Variants in SNX9 observed in about 807,000 individuals in gnomAD.
The protein encoded by SNX9 is sorting nexin 9.
Under a neutral mutation model 89.4 loss-of-function variants are expected in SNX9, and 44 were observed. The observed-to-expected ratio is 0.49, with a 90% confidence interval of 0.39 to 0.63. The LOEUF is 0.63. Among genes scored for constraint, SNX9 ranks in the 30% least tolerant of loss-of-function variants. The pLI is 0.00. For missense variants in SNX9, 578 were observed against 736.1 expected (o/e 0.79, Z 2.49); for synonymous variants, 236 against 247.8 (o/e 0.95, Z 0.45).
intron 13 of SNX9, among the ~76,000 whole-genome samples, chr6:157,933,078 T>G (rs1305219299): frequency 6.6e-6 from 1 of 151,670 alleles, no homozygotes; most frequent in African/African-American, 2.4e-5. Flanking sequence ...TTTTCTTTAT[T>G]AAAAGGGAAA....
Position 157,826,796 on chromosome 6 carries a change from A to T in SNX9, c.12+3350A>T, listed in dbSNP as rs1459436010. ...TATAAATATATTATATTATATATAT[A>T]TATTATATTTTATATATAAATATAT... On this transcript the variant is annotated intron_variant, in intron 1 of 17. Transcript: ENST00000392185. Among the ~76,000 whole-genome samples the T allele has an allele frequency of 1.9e-5, 2 of 102,694 alleles. 1 individual carries two copies. Among genetic ancestry groups the T allele is most frequent in the African/African-American group, 1.1e-4 (2 of 17,416 alleles). The allele number at this position is 102,694 out of a possible 152,430, so 67.4% of individuals were successfully genotyped here. A position where few individuals can be genotyped will look rare whatever the true frequency, so the allele number is the denominator to read the frequency against.
At chr6:157,940,824 A>G (rs1784021210) in intron 16 of SNX9, 59 bp from the exon 17 acceptor site, 1 of 1,440,704 alleles carries the variant, frequency 6.9e-7, no homozygotes, top group Admixed American at 1.7e-5. Flanking sequence ...CAGAGAAACC[A>G]GGTGTTGTCA....
chr6:157,893,656 G>T (rs1166710590), intron 4 of SNX9, among the ~76,000 whole-genome samples: 1 of 151,830 alleles, frequency 6.6e-6, no homozygotes, highest in East Asian at 1.9e-4. Flanking sequence ...TAAAGGGGAA[G>T]ACTTGCTATT....
chr6:157,926,827 G>A (rs1722359085), intron 10 of SNX9, among the ~76,000 whole-genome samples: 1 of 149,576 alleles, frequency 6.7e-6, no homozygotes, highest in African/African-American at 2.5e-5. Context: ...TCTGTTTGCT[G>A]TTTTTATATA....
At chr6:157,876,320 CA>C (rs1195953765) in intron 4 of SNX9, among the ~76,000 whole-genome samples, 4 of 152,124 alleles carry the variant, frequency 2.6e-5, no homozygotes, top group Non-Finnish European at 2.9e-5. Flanking sequence ...GGTGTGGTGG[CA>C]GGCACCTGTA....
chr6:157,843,363 C>T (rs3792929), intron 1 of SNX9, among the ~76,000 whole-genome samples: 2 of 151,990 alleles, frequency 1.3e-5, no homozygotes, highest in African/African-American at 4.8e-5. Context: ...AGCCTTATAA[C>T]GCAAACAGTT....
chr6:157,869,887 GC>G (rs1782355674), intron 2 of SNX9, among the ~76,000 whole-genome samples: 1 of 151,840 alleles, frequency 6.6e-6, no homozygotes, highest in Admixed American at 6.6e-5. Flanking sequence ...GCGTGCACAT[GC>G]ACACACATGC....
intron 10 of SNX9, among the ~76,000 whole-genome samples, chr6:157,923,358 A>G (rs1480566974): frequency 2.6e-5 from 4 of 152,184 alleles, no homozygotes; most frequent in African/African-American, 9.7e-5. Flanking sequence ...ATTATTAGAA[A>G]TAAGTGGTTA....
chr6:157,895,153 G>T (rs1782953236), intron 4 of SNX9, among the ~76,000 whole-genome samples: 1 of 152,232 alleles, frequency 6.6e-6, no homozygotes, highest in East Asian at 1.9e-4. Flanking sequence ...GCATTAAAAT[G>T]AGGTGGAATT....
intron 1 of SNX9, among the ~76,000 whole-genome samples, chr6:157,845,852 T>A (rs1781796896): frequency 6.6e-6 from 1 of 152,208 alleles, no homozygotes; most frequent in Non-Finnish European, 1.5e-5. Flanking sequence ...TGATAGTAGA[T>A]GCTGAATTTG....
At chr6:157,920,558 T>C (rs1783562943) in intron 9 of SNX9, among the ~76,000 whole-genome samples, 1 of 152,160 alleles carries the variant, frequency 6.6e-6, no homozygotes, top group Non-Finnish European at 1.5e-5. Flanking sequence ...ACCACAGATT[T>C]CCACCATCGT....
rs777612681 is a variant in SNX9, at chr6:157,873,155, G to T, written c.153G>T (p.Leu51=). The part of the protein sequence containing the change: ...EGRNIKGERG[L]VPTDYVEILP... ...GAAACATCAAAGGAGAACGAGGGCT[G>T]GTTCCCACAGACTACGTTGAAGTAA... is the stretch of plus-strand genomic sequence containing the variant. Residue 51 remains leucine (L), a synonymous_variant, in exon 3 of 18, where the codon CTG becomes CTT. Coordinates refer to ENST00000392185, the MANE Select transcript of SNX9 (RefSeq NM_016224.5). 2.5e-6 allele frequency: 4 copies of T among 1,599,224 alleles called. No individual in the cohort carries two copies. Among genetic ancestry groups the T allele is most frequent in the Non-Finnish European group, 3.4e-6 (4 of 1,172,352 alleles).
chr6:157,917,571 C>T (rs929892790), intron 9 of SNX9, among the ~76,000 whole-genome samples: 3 of 152,066 alleles, frequency 2.0e-5, no homozygotes, highest in African/African-American at 4.8e-5. Flanking sequence ...ATACCTATAT[C>T]TCAGTATCTA....
chr6:157,829,160 T>A (rs1781437555), intron 1 of SNX9: 1 of 151,848 alleles, frequency 6.6e-6, no homozygotes. Context: ...TTATATTTTT[T>A]AAAACATAAT....
intron 12 of SNX9, among the ~76,000 whole-genome samples, chr6:157,930,572 G>C (rs959434983): frequency 6.6e-6 from 1 of 152,090 alleles, no homozygotes; most frequent in African/African-American, 2.4e-5. Context: ...CCTGAGCTCC[G>C]CCTCCTGTCA....
intron 9 of SNX9, 90 bp downstream of exon 9, chr6:157,910,115 C>A (rs939424353): frequency 6.0e-6 from 6 of 992,610 alleles, no homozygotes; most frequent in East Asian, 4.8e-5. Context: ...CATTTTCCAT[C>A]CTGTAGAGCA....
chr6:157,906,259 C>A (rs767759700), intron 7 of SNX9, 47 bp downstream of exon 7: 39 of 1,444,624 alleles, frequency 2.7e-5, no homozygotes, highest in Non-Finnish European at 3.6e-5. Flanking sequence ...TAAGCTCTTT[C>A]TTATACCGTA....
At chr6:157,858,394 G>A (rs1167525275) in intron 1 of SNX9, among the ~76,000 whole-genome samples, 1 of 151,890 alleles carries the variant, frequency 6.6e-6, no homozygotes, top group African/African-American at 2.4e-5. Flanking sequence ...TTACAGGGAC[G>A]TATGTTTAGT....
intron 9 of SNX9, among the ~76,000 whole-genome samples, chr6:157,917,435 T>G (rs968435812): frequency 7.2e-5 from 11 of 152,322 alleles, no homozygotes; most frequent in South Asian, 2.1e-4. Context: ...CTAAAAACTT[T>G]CCTCTAAGCA....
Sources: allele counts gnomAD v4.1 joint callset (sites outside exome capture counted in the v4.1 genomes callset), GRCh38; gene constraint gnomAD v4.1.1; transcripts MANE v1.5; gene names NCBI Gene and HGNC (gene_info 2026-07-23, HGNC 2026-07-21).